The following HIBADH variants were observed in gnomAD, a reference collection of about 807,000 sequenced individuals.
The protein encoded by HIBADH is 3-hydroxyisobutyrate dehydrogenase, mitochondrial.
Under a neutral mutation model 36.1 loss-of-function variants are expected in HIBADH, and 25 were observed. The observed-to-expected ratio is 0.69, with a 90% CI of 0.50 to 0.97. The LOEUF (loss-of-function observed/expected upper bound fraction) is 0.97, where lower values mean the gene tolerates loss of function less well. Among genes scored for constraint, HIBADH ranks in the 50% least tolerant of loss-of-function variants. HIBADH has a pLI of 0.00. For synonymous variants in HIBADH, 160 were observed against 149.5 expected (o/e 1.07, Z -0.51); for missense variants, 421 against 418.0 (o/e 1.01, Z -0.06).
chr7:27,535,730 T>C (rs1784061991), intron 6 of HIBADH, among the ~76,000 whole-genome samples: 2 of 151,894 alleles, frequency 1.3e-5, no homozygotes, highest in Non-Finnish European at 2.9e-5. Flanking sequence ...CAAAATATAT[T>C]GTATACCATA....
At position 27,552,096 on chromosome 7, in the gene HIBADH, A is replaced by G. The variant is rs562720356; in HGVS notation, c.485-8996T>C. ...AGTAATCAACAAATTTAAGGGTGTT[A>G]ATTAACTTTACACTTTATCATGTTC... is the stretch of plus-strand genomic sequence containing the variant. On this transcript the variant is annotated intron_variant, in intron 4 of 7. Transcript: ENST00000265395. Among the ~76,000 whole-genome samples the G allele has an allele frequency of 5.9e-5, 9 of 152,344 alleles. No homozygotes were observed. In the South Asian group the frequency reaches 1.7e-3, roughly 28 times the overall value.
At chr7:27,526,524 A>T in intron 7 of HIBADH, 152 bp from the exon 8 acceptor site, 1 of 544,976 alleles carries the variant, frequency 1.8e-6, no homozygotes, top group East Asian at 3.6e-5. Context: ...ATTTTTAAAT[A>T]AGCGCTTTCA....
intron 4 of HIBADH, among the ~76,000 whole-genome samples, chr7:27,627,915 A>G (rs988667504): frequency 1.3e-5 from 2 of 152,166 alleles, no homozygotes; most frequent in Admixed American, 6.5e-5. Flanking sequence ...TTATATTTTA[A>G]AGGTTAAAAT....
rs770391388 is a variant in HIBADH at position 27,649,467 on chromosome 7, T to G, written c.252+6A>C. 3 of 1,600,058 alleles carry G rather than the reference T, an allele frequency of 1.9e-6. No homozygotes were observed. Among genetic ancestry groups the G allele is most frequent in the Non-Finnish European group, 2.6e-6 (3 of 1,173,234 alleles). Reference sequence around the variant, plus strand: ...ATCTAAAACAAATCTAAAGAAAAGGTCTTACCTGTTCACCTGCATCTTGAA... The same window carrying G: ...ATCTAAAACAAATCTAAAGAAAAGGGCTTACCTGTTCACCTGCATCTTGAA... On this transcript the variant is annotated splice_donor_region_variant and intron_variant, in intron 2 of 7. Transcript: ENST00000265395.
At chr7:27,532,548 G>A (rs779746086) in intron 6 of HIBADH, among the ~76,000 whole-genome samples, 62 of 152,306 alleles carry the variant, frequency 4.1e-4, no homozygotes, top group Non-Finnish European at 6.5e-4. Flanking sequence ...AAATATGTAT[G>A]GAATTACCAC....
chr7:27,572,228 C>T (rs78884609), intron 4 of HIBADH, among the ~76,000 whole-genome samples: 4,776 of 152,178 alleles, frequency 0.031, 111 homozygotes, highest in South Asian at 0.092. Context: ...GATTACTACT[C>T]GATTATTTGG....
intron 4 of HIBADH, among the ~76,000 whole-genome samples, chr7:27,587,446 A>C (rs1784881517): frequency 6.6e-6 from 1 of 152,232 alleles, no homozygotes; most frequent in African/African-American, 2.4e-5. Flanking sequence ...ATTGGACAAA[A>C]AAAAATGAAT....
chr7:27,567,976 A>G (rs981825807), intron 4 of HIBADH, among the ~76,000 whole-genome samples: 13 of 152,194 alleles, frequency 8.5e-5, no homozygotes, highest in African/African-American at 2.9e-4. Flanking sequence ...TGCACATTCA[A>G]CTTACAATAT....
chr7:27,573,484 T>C (rs756522513), intron 4 of HIBADH, among the ~76,000 whole-genome samples: 1 of 152,198 alleles, frequency 6.6e-6, no homozygotes, highest in Non-Finnish European at 1.5e-5. Flanking sequence ...TATGAGCTTC[T>C]TGAGAGCAAA....
At chr7:27,643,370 G>C (rs950672986) in intron 2 of HIBADH, among the ~76,000 whole-genome samples, 2 of 152,172 alleles carry the variant, frequency 1.3e-5, no homozygotes, top group African/African-American at 4.8e-5. Context: ...GTACAGCAGA[G>C]GTGAAACTAA....
At chr7:27,631,362 GCTTC>G (rs1234915901) in intron 3 of HIBADH, among the ~76,000 whole-genome samples, 1 of 152,092 alleles carries the variant, frequency 6.6e-6, no homozygotes, top group Non-Finnish European at 1.5e-5. Flanking sequence ...AGTGTCTTTT[GCTTC>G]CTTCCAAGTT....
At chr7:27,587,453 GAATT>G (rs1784881633) in intron 4 of HIBADH, among the ~76,000 whole-genome samples, 1 of 152,038 alleles carries the variant, frequency 6.6e-6, no homozygotes, top group South Asian at 2.1e-4. Flanking sequence ...AAAAAAAAAT[GAATT>G]ATTAGGAGAA....
At chr7:27,621,607 C>T (rs1386601355) in intron 4 of HIBADH, among the ~76,000 whole-genome samples, 2 of 151,834 alleles carry the variant, frequency 1.3e-5, no homozygotes, top group Non-Finnish European at 2.9e-5. Context: ...GCCTGACCAA[C>T]ACAGTGAAAC....
chr7:27,588,424 G>A (rs59686784), intron 4 of HIBADH, among the ~76,000 whole-genome samples: 31,333 of 152,064 alleles, frequency 0.21, 4,135 homozygotes, highest in East Asian at 0.51. Context: ...TAACTCCTGG[G>A]CTCAAGTGAT....
chr7:27,540,991 A>C (rs1784141314), intron 5 of HIBADH, among the ~76,000 whole-genome samples: 1 of 152,202 alleles, frequency 6.6e-6, no homozygotes, highest in Non-Finnish European at 1.5e-5. Context: ...AAGCCTCAGA[A>C]GTTAGCAACT....
chr7:27,660,573 G>C (rs973768914), intron 1 of HIBADH, among the ~76,000 whole-genome samples: 3 of 152,100 alleles, frequency 2.0e-5, no homozygotes, highest in Non-Finnish European at 2.9e-5. Context: ...GCTGAGGCAG[G>C]AGAATGGCGT....
chr7:27,650,390 A>C (rs906749564), intron 1 of HIBADH, among the ~76,000 whole-genome samples: 1 of 151,734 alleles, frequency 6.6e-6, no homozygotes, highest in Non-Finnish European at 1.5e-5. Flanking sequence ...TTAAATGGCA[A>C]GTGTAACAGT....
intron 4 of HIBADH, among the ~76,000 whole-genome samples, chr7:27,586,431 G>T (rs1418991111): frequency 6.6e-6 from 1 of 151,824 alleles, no homozygotes; most frequent in African/African-American, 2.4e-5. Flanking sequence ...GATTAAAGAT[G>T]GTTTCATGAA....
intron 4 of HIBADH, among the ~76,000 whole-genome samples, chr7:27,567,327 T>TAGAAAAAG (rs1784560040): frequency 6.6e-6 from 1 of 152,204 alleles, no homozygotes; most frequent in African/African-American, 2.4e-5. Flanking sequence ...TTTTGACTAG[T>TAGAAAAAG]ATTTACATGG....
Sources: allele counts gnomAD v4.1 joint callset (sites outside exome capture counted in the v4.1 genomes callset), GRCh38; gene constraint gnomAD v4.1.1; transcripts MANE v1.5; gene names NCBI Gene and HGNC (gene_info 2026-07-23, HGNC 2026-07-21).